The following CRLS1 variants were observed in gnomAD, a reference collection of about 807,000 sequenced individuals.
CRLS1 encodes cardiolipin synthase 1.
A neutral mutation model predicts 37.0 loss-of-function variants in CRLS1; 24 were observed. The ratio of observed to expected loss-of-function variants is 0.65; its 90% CI spans 0.47 to 0.91. CRLS1 has a LOEUF of 0.91. Among genes scored for constraint, CRLS1 ranks in the 40% least tolerant of loss-of-function variants. The probability of loss-of-function intolerance (pLI) is 0.00; values close to 1 mark genes in which losing one functional copy is unlikely to be tolerated. For missense variants in CRLS1, 373 were observed against 395.8 expected, an observed-to-expected ratio of 0.94 and a Z score of 0.49; for synonymous variants, 135 against 159.7, an observed-to-expected ratio of 0.85 and a Z score of 1.17.
intron 2 of CRLS1, among the ~76,000 whole-genome samples, chr20:6,013,101 CTT>C (rs1172234008): frequency 1.3e-5 from 2 of 151,116 alleles, no homozygotes; most frequent in African/African-American, 4.9e-5. Context: ...ACAGAAGGGT[CTT>C]TTAAAAAGAT....
Position 6,019,020 on chromosome 20 carries a change from C to T in CRLS1, c.574+3530C>T, listed in dbSNP as rs191551572. ...TCTTCATATATTCTTGTTAGGTTTT[C>T]ATATCAAATTTATAACTAGCCTCAT... On this transcript the variant is annotated intron_variant, in intron 3 of 6. Coordinates refer to ENST00000378863, the MANE Select transcript of CRLS1 (RefSeq NM_019095.6). Among the ~76,000 whole-genome samples the T allele has an allele frequency of 3.4e-4, 51 of 151,994 alleles. No individual in the cohort carries two copies. In the East Asian group the frequency reaches 5.6e-3, roughly 17 times the overall value.
chr20:6,011,474 A>G (rs1329672291), intron 2 of CRLS1, among the ~76,000 whole-genome samples: 1 of 148,212 alleles, frequency 6.7e-6, no homozygotes, highest in Non-Finnish European at 1.5e-5. Flanking sequence ...AGCCTCCCAA[A>G]TTGGCTTTAC....
chr20:6,014,180 C>A (rs1978560070), intron 2 of CRLS1, among the ~76,000 whole-genome samples: 1 of 152,170 alleles, frequency 6.6e-6, no homozygotes, highest in Non-Finnish European at 1.5e-5. Flanking sequence ...AAGACAACCA[C>A]CCCTTTGAGG....
At chr20:6,035,472 C>T (rs1306520312) in intron 6 of CRLS1, among the ~76,000 whole-genome samples, 1 of 152,060 alleles carries the variant, frequency 6.6e-6, no homozygotes, top group Non-Finnish European at 1.5e-5. Flanking sequence ...CTAGTCTTTT[C>T]ACAATCATCT....
intron 2 of CRLS1, among the ~76,000 whole-genome samples, chr20:6,014,770 T>C (rs1489911334): frequency 6.6e-6 from 1 of 152,210 alleles, no homozygotes; most frequent in Non-Finnish European, 1.5e-5. Flanking sequence ...ATGTGACTTA[T>C]GCTTTAAATG....
chr20:6,028,647 G>A (rs1979908343), intron 3 of CRLS1: 1 of 152,148 alleles, frequency 6.6e-6, no homozygotes, highest in Non-Finnish European at 1.5e-5. Flanking sequence ...GTCTGGCTTT[G>A]TGGGCTATGT....
intron 2 of CRLS1, among the ~76,000 whole-genome samples, chr20:6,012,576 G>A (rs1366789654): frequency 6.6e-6 from 1 of 152,164 alleles, no homozygotes; most frequent in East Asian, 1.9e-4. Context: ...TCATGGAAAT[G>A]ACATTTTCTG....
chr20:6,021,298 C>A (rs1457039655), intron 3 of CRLS1, among the ~76,000 whole-genome samples: 1 of 151,978 alleles, frequency 6.6e-6, no homozygotes, highest in Non-Finnish European at 1.5e-5. Flanking sequence ...AACCCCAGAC[C>A]TCAAGTGATC....
chr20:6,014,179 A>G (rs1228790824), intron 2 of CRLS1, among the ~76,000 whole-genome samples: 1 of 152,176 alleles, frequency 6.6e-6, no homozygotes, highest in African/African-American at 2.4e-5. Flanking sequence ...GAAGACAACC[A>G]CCCCTTTGAG....
rs574149251 is a variant in CRLS1 at position 6,038,322 on chromosome 20, A to G, written c.*1164A>G. The G allele has an allele frequency of 3.3e-5, 5 of 152,378 alleles. No individual in the cohort carries two copies. The highest frequency in any genetic ancestry group is 5.9e-5 in the Non-Finnish European group (4 of 68,054). The allele number at this position is 152,378 out of a possible 1,614,324, so 9.4% of individuals were successfully genotyped here. A position where few individuals can be genotyped will look rare whatever the true frequency, so the allele number is the denominator to read the frequency against. On this transcript the variant is annotated 3_prime_UTR_variant, in exon 7 of 7. Transcript: ENST00000378863. ...GCCCATTGTCCCTGGTTTTAATCCA[A>G]GCCTATTATGGAATACTGCAGTGAG...
In CRLS1 at chr20:6,034,454, TTTTA is replaced by T. The variant is rs1378076432; in HGVS notation, c.730-5_730-2del. On this transcript the variant is annotated splice_polypyrimidine_tract_variant and splice_region_variant and intron_variant, in intron 5 of 6. Coordinates refer to ENST00000378863, the MANE Select transcript of CRLS1 (RefSeq NM_019095.6). The stretch of plus-strand genomic sequence containing the variant: ...ACTATTCACTTAGAACTTTTTCTTT[TTTTA>T]TTTAGGTGAATACAGCAGTCCAGTT... 1 of 1,604,412 alleles carries T rather than the reference TTTTA, an allele frequency of 6.2e-7. No individual in the cohort carries two copies. Among genetic ancestry groups the T allele is most frequent in the Non-Finnish European group, 8.5e-7 (1 of 1,175,940 alleles).
intron 2 of CRLS1, among the ~76,000 whole-genome samples, chr20:6,011,332 T>C (rs541381894): frequency 1.5e-3 from 226 of 152,240 alleles, no homozygotes; most frequent in African/African-American, 5.1e-3. Flanking sequence ...TCGAGGTTCA[T>C]AGAAACAAAA....
chr20:6,032,561 T>TTC (rs1980247613), intron 5 of CRLS1, among the ~76,000 whole-genome samples: 1 of 152,152 alleles, frequency 6.6e-6, no homozygotes, highest in African/African-American at 2.4e-5. Context: ...CACTCCCTCC[T>TTC]TCCCTGTGGT....
intron 5 of CRLS1, among the ~76,000 whole-genome samples, chr20:6,033,222 C>T (rs542767051): frequency 3.3e-5 from 5 of 151,960 alleles, no homozygotes; most frequent in South Asian, 4.2e-4. Flanking sequence ...CTCCTCCTCC[C>T]GGGTTCAAGC....
intron 2 of CRLS1, among the ~76,000 whole-genome samples, chr20:6,014,029 C>T (rs1568618352): frequency 6.6e-6 from 1 of 152,160 alleles, no homozygotes; most frequent in African/African-American, 2.4e-5. Context: ...GTCCCAGCTC[C>T]CCAGGCTAGG....
In CRLS1 at chr20:6,023,954, A is replaced by AT. The variant is rs11087705; in HGVS notation, c.575-7318dup. Among the ~76,000 whole-genome samples the AT allele has an allele frequency of 9.5e-4, 140 of 147,530 alleles. No homozygotes were observed. The East Asian group carries it at 0.017, about 18-fold the overall frequency. On this transcript the variant is annotated intron_variant, in intron 3 of 6. Coordinates refer to ENST00000378863, the MANE Select transcript of CRLS1 (RefSeq NM_019095.6). The stretch of plus-strand genomic sequence containing the variant: ...TGTGCTCATTTTGCCTCTCTGTCAC[A>AT]TTTTTTTTTTTTTCCTGAGACAGGG...
intron 2 of CRLS1, 28 bp from the exon 3 acceptor site, chr20:6,015,333 A>G: frequency 6.8e-7 from 1 of 1,467,842 alleles, no homozygotes; most frequent in East Asian, 2.5e-5. Context: ...TGACATTTAT[A>G]TATATAAAAA....
intron 1 of CRLS1, 50 bp from the exon 2 acceptor site, chr20:6,009,725 A>G (rs748694282): frequency 1.3e-6 from 2 of 1,506,146 alleles, no homozygotes; most frequent in Non-Finnish European, 1.8e-6. Context: ...AGTTATTCAA[A>G]GTATGAATTC....
chr20:6,015,319 G>T (rs1424462657), intron 2 of CRLS1, 42 bp from the exon 3 acceptor site: 1 of 1,348,070 alleles, frequency 7.4e-7, no homozygotes, highest in Admixed American at 2.2e-5. Context: ...CTTTGTTCCT[G>T]TTATGACATT....
Sources: allele counts gnomAD v4.1 joint callset (sites outside exome capture counted in the v4.1 genomes callset), GRCh38; gene constraint gnomAD v4.1.1; transcripts MANE v1.5; gene names NCBI Gene and HGNC (gene_info 2026-07-23, HGNC 2026-07-21).